The following EHBP1 variants were observed in gnomAD, a reference collection of about 807,000 sequenced individuals.
EHBP1 encodes EH domain binding protein 1.
A neutral mutation model predicts 144.0 loss-of-function variants in EHBP1; 55 were observed. The observed-to-expected ratio is 0.38, with a 90% CI of 0.31 to 0.48. EHBP1 has a LOEUF of 0.48. EHBP1 is among the 20% of genes least tolerant of loss of function. The pLI is 0.98. For missense variants in EHBP1, 1,200 were observed against 1,364.2 expected, an observed-to-expected ratio of 0.88 and a Z score of 1.90; for synonymous variants, 469 against 472.7, an observed-to-expected ratio of 0.99 and a Z score of 0.10.
At chr2:62,826,309 T>A in intron 6 of EHBP1, 41 bp downstream of exon 6, 1 of 1,522,222 alleles carries the variant, frequency 6.6e-7, no homozygotes, top group Admixed American at 2.0e-5. Flanking sequence ...ACATTGTGTT[T>A]CAGTACACCA....
At chr2:62,694,870 C>T (rs1402859341) in intron 1 of EHBP1, among the ~76,000 whole-genome samples, 1 of 152,118 alleles carries the variant, frequency 6.6e-6, no homozygotes, top group Non-Finnish European at 1.5e-5. Context: ...GCTTGTCTTT[C>T]CTAATAATTC....
At chr2:62,712,673 A>G (rs1379444763) in intron 2 of EHBP1, among the ~76,000 whole-genome samples, 2 of 152,198 alleles carry the variant, frequency 1.3e-5, no homozygotes, top group African/African-American at 4.8e-5. Context: ...CTGGAAAAGG[A>G]GAAGGTAAGT....
intron 10 of EHBP1, among the ~76,000 whole-genome samples, chr2:62,908,168 G>T (rs1198022536): frequency 1.3e-5 from 2 of 152,174 alleles, no homozygotes; most frequent in African/African-American, 4.8e-5. Context: ...GTGTGTGAAA[G>T]AACTTTGGTA....
rs147564827 is a variant in EHBP1, at chr2:62,976,451, C to G, written c.2461-2737C>G. On this transcript the variant is annotated intron_variant, in intron 14 of 22. Transcript: ENST00000431489. ...CTATTTAATGTGGTTTAAAATACAT[C>G]AATGTCTCACCAAGTTTCATTGCCC... Among the ~76,000 whole-genome samples, 286 of 152,268 alleles carry G rather than the reference C, an allele frequency of 1.9e-3. 6 individuals are homozygous for G. In the East Asian group the frequency reaches 0.051, roughly 27 times the overall value.
chr2:63,007,086 A>T (rs545652622), intron 19 of EHBP1, among the ~76,000 whole-genome samples: 8 of 151,910 alleles, frequency 5.3e-5, no homozygotes, highest in Non-Finnish European at 1.2e-4. Context: ...GGAAGATTAC[A>T]TCCACACTAG....
At chr2:62,697,318 T>C (rs2034134247) in intron 1 of EHBP1, among the ~76,000 whole-genome samples, 1 of 152,196 alleles carries the variant, frequency 6.6e-6, no homozygotes, top group South Asian at 2.1e-4. Context: ...AGGACTCCAG[T>C]GCAAATATAG....
chr2:62,989,442 G>A (rs2059328372), intron 15 of EHBP1, among the ~76,000 whole-genome samples: 1 of 152,080 alleles, frequency 6.6e-6, no homozygotes, highest in Non-Finnish European at 1.5e-5. Context: ...CATTTCTTAG[G>A]TAAAATAAGG....
At chr2:62,992,150 A>T (rs1198430384) in intron 16 of EHBP1, among the ~76,000 whole-genome samples, 1 of 152,190 alleles carries the variant, frequency 6.6e-6, no homozygotes, top group Non-Finnish European at 1.5e-5. Context: ...AATCGCACTG[A>T]TATTTTAGCA....
chr2:62,962,042 A>T (rs1037940787), intron 14 of EHBP1, among the ~76,000 whole-genome samples: 6 of 152,132 alleles, frequency 3.9e-5, no homozygotes, highest in African/African-American at 1.4e-4. Context: ...AAATAAAAAT[A>T]GACTGGGTGT....
chr2:62,866,537 A>G (rs2050052471), intron 9 of EHBP1, among the ~76,000 whole-genome samples: 1 of 152,250 alleles, frequency 6.6e-6, no homozygotes, highest in South Asian at 2.1e-4. Flanking sequence ...AGCATAGATG[A>G]TATTAGAAAA....
chr2:62,689,064 T>C (rs1181675359), intron 1 of EHBP1, among the ~76,000 whole-genome samples: 3 of 152,224 alleles, frequency 2.0e-5, no homozygotes, highest in African/African-American at 7.2e-5. Flanking sequence ...TTGAAGCCTG[T>C]TATTTTTTAA....
At chr2:62,862,570 A>T (rs1392557982) in intron 8 of EHBP1, among the ~76,000 whole-genome samples, 1 of 152,166 alleles carries the variant, frequency 6.6e-6, no homozygotes, top group Non-Finnish European at 1.5e-5. Context: ...GTGAGCCGAG[A>T]TTGCACCATT....
chr2:62,942,659 G>A (rs2153074967), intron 10 of EHBP1, 59 bp from the exon 11 acceptor site: 2 of 1,460,128 alleles, frequency 1.4e-6, no homozygotes, highest in Non-Finnish European at 1.9e-6. Context: ...GTCAATTAAT[G>A]TTAATTTTCA....
intron 14 of EHBP1, 50 bp downstream of exon 14, chr2:62,955,710 G>GGGA (rs752444330): frequency 1.3e-6 from 2 of 1,557,498 alleles, no homozygotes; most frequent in South Asian, 2.4e-5. Context: ...TGTAATCATG[G>GGGA]GGAGGAGGGA....
At chr2:62,691,206 G>T in intron 1 of EHBP1, among the ~76,000 whole-genome samples, 1 of 152,142 alleles carries the variant, frequency 6.6e-6, no homozygotes. Flanking sequence ...TGTCTTATAT[G>T]ATTACTTCTG....
At chr2:62,704,742 T>G (rs2034398781), upstream of EHBP1, among the ~76,000 whole-genome samples, 1 of 152,210 alleles carries the variant, frequency 6.6e-6, no homozygotes, top group Admixed American at 6.5e-5. Flanking sequence ...GTGAACCACC[T>G]AAAACTGAAA....
At chr2:62,716,677 C>T (rs2035710596) in intron 2 of EHBP1, among the ~76,000 whole-genome samples, 2 of 152,178 alleles carry the variant, frequency 1.3e-5, no homozygotes, top group South Asian at 4.1e-4. Flanking sequence ...GGAGTTGATG[C>T]AGTTGTCTTC....
intron 16 of EHBP1, among the ~76,000 whole-genome samples, chr2:62,992,982 T>G (rs1379529433): frequency 2.0e-5 from 3 of 152,202 alleles, no homozygotes; most frequent in Non-Finnish European, 4.4e-5. Context: ...ATATTTCTTG[T>G]TGATAGAACC....
intron 10 of EHBP1, among the ~76,000 whole-genome samples, chr2:62,918,470 A>G (rs997051130): frequency 8.5e-5 from 13 of 152,140 alleles, no homozygotes; most frequent in African/African-American, 3.1e-4. Context: ...ATTAATGGCT[A>G]CAGACTACTC....
Sources: allele counts gnomAD v4.1 joint callset (sites outside exome capture counted in the v4.1 genomes callset), GRCh38; gene constraint gnomAD v4.1.1; transcripts MANE v1.5; gene names NCBI Gene and HGNC (gene_info 2026-07-23, HGNC 2026-07-21).